GNAL: variants seen among roughly 807,000 people sequenced by gnomAD.
GNAL encodes the protein guanine nucleotide-binding protein G(olf) subunit alpha.
A neutral mutation model predicts 55.1 loss-of-function variants in GNAL; 18 were observed. The ratio of observed to expected loss-of-function variants is 0.33; its 90% CI spans 0.23 to 0.48. The LOEUF is 0.48. Ranked by LOEUF, GNAL falls within the 20% of genes least tolerant of loss-of-function variation. GNAL has a pLI of 0.99. For synonymous variants in GNAL, 253 were observed against 237.0 expected (o/e 1.07, Z -0.62); for missense variants, 412 against 614.1 (o/e 0.67, Z 3.48).
chr18:11,724,033 T>G (rs2032156648), intron 1 of GNAL, among the ~76,000 whole-genome samples: 1 of 152,254 alleles, frequency 6.6e-6, no homozygotes, highest in African/African-American at 2.4e-5. Flanking sequence ...TGCTGCTGTC[T>G]TGAATTACAG....
chr18:11,689,529 A>C lies in GNAL; in HGVS notation c.-35A>C, dbSNP rs950042838. The C allele has an allele frequency of 9.3e-7, 1 of 1,078,658 alleles. No individual in the cohort carries two copies. The highest frequency in any genetic ancestry group is 1.2e-6 in the Non-Finnish European group (1 of 845,478). 66.8% of individuals were successfully genotyped at this position (1,078,658 alleles called of 1,614,324 possible). A position where few individuals can be genotyped will look rare whatever the true frequency, so the allele number is the denominator to read the frequency against. On this transcript the variant is annotated 5_prime_UTR_variant, in exon 1 of 12. Coordinates refer to ENST00000334049, the MANE Select transcript of GNAL (RefSeq NM_182978.4). Reference sequence around the variant, plus strand: ...CCGCCCTCGGCGCCCAGCCTGCCCTAGTCCCGCGCGCCGCCCCCGCTGTGC... The same window carrying C: ...CCGCCCTCGGCGCCCAGCCTGCCCTCGTCCCGCGCGCCGCCCCCGCTGTGC...
intron 4 of GNAL, among the ~76,000 whole-genome samples, chr18:11,755,663 C>T (rs1376579559): frequency 6.6e-6 from 1 of 151,922 alleles, no homozygotes; most frequent in Non-Finnish European, 1.5e-5. Flanking sequence ...CCAGTGATAT[C>T]TGTAGAATTT....
intron 4 of GNAL, among the ~76,000 whole-genome samples, chr18:11,822,839 T>G (rs1213952030): frequency 8.4e-6 from 1 of 119,724 alleles, no homozygotes; most frequent in Non-Finnish European, 1.8e-5. Context: ...TTTTTTTTTT[T>G]GACCAAATTT....
chr18:11,723,190 A>T (rs1342951824), intron 1 of GNAL, among the ~76,000 whole-genome samples: 2 of 152,210 alleles, frequency 1.3e-5, no homozygotes, highest in East Asian at 3.9e-4. Context: ...TCTTGAAAAA[A>T]ATAAAAAAAT....
intron 4 of GNAL, among the ~76,000 whole-genome samples, chr18:11,777,790 C>A (rs139307978): frequency 1.3e-5 from 2 of 152,258 alleles, no homozygotes; most frequent in East Asian, 3.9e-4. Context: ...TCGTTACATC[C>A]TAAGAGCTGG....
chr18:11,863,761 G>A (rs2036199555), intron 6 of GNAL, among the ~76,000 whole-genome samples: 1 of 152,168 alleles, frequency 6.6e-6, no homozygotes, highest in Non-Finnish European at 1.5e-5. Context: ...GGAGGAAACA[G>A]AAATGTGCAG....
At chr18:11,732,206 C>T (rs2032354902) in intron 1 of GNAL, among the ~76,000 whole-genome samples, 1 of 152,148 alleles carries the variant, frequency 6.6e-6, no homozygotes, top group Non-Finnish European at 1.5e-5. Flanking sequence ...ATTGGAATTG[C>T]TGGGTCATGT....
chr18:11,812,419 T>C (rs2034839634), intron 4 of GNAL, among the ~76,000 whole-genome samples: 1 of 152,102 alleles, frequency 6.6e-6, no homozygotes, highest in Non-Finnish European at 1.5e-5. Context: ...GCCTCAAGGA[T>C]CTTGAGAGAA....
intron 4 of GNAL, among the ~76,000 whole-genome samples, chr18:11,788,904 A>ATATAT (rs1555650619): frequency 1.3e-5 from 1 of 79,666 alleles, no homozygotes; most frequent in Non-Finnish European, 2.3e-5. Flanking sequence ...CTCGAAAAAA[A>ATATAT]AAAAAAAAAA....
intron 1 of GNAL, among the ~76,000 whole-genome samples, chr18:11,713,608 T>C (rs2031887094): frequency 6.6e-6 from 1 of 152,174 alleles, no homozygotes; most frequent in Non-Finnish European, 1.5e-5. Context: ...TATTTTTATA[T>C]ATAGCCTGGC....
chr18:11,759,878 G>A (rs955026663), intron 4 of GNAL, among the ~76,000 whole-genome samples: 1 of 152,190 alleles, frequency 6.6e-6, no homozygotes, highest in African/African-American at 2.4e-5. Context: ...GCTTTGTGCT[G>A]TGGGTTTTCG....
At chr18:11,797,281 A>G (rs979560859) in intron 4 of GNAL, among the ~76,000 whole-genome samples, 7 of 152,174 alleles carry the variant, frequency 4.6e-5, no homozygotes, top group African/African-American at 1.4e-4. Flanking sequence ...TTATGTTGCT[A>G]TATTGTTTCT....
chr18:11,865,200 G>A (rs557785588), intron 7 of GNAL, among the ~76,000 whole-genome samples: 2 of 144,520 alleles, frequency 1.4e-5, no homozygotes, highest in South Asian at 2.2e-4. Context: ...CCTACGGCAC[G>A]GCCTGGATCG....
intron 3 of GNAL, 36 bp downstream of exon 3, chr18:11,753,718 G>A (rs373310932): frequency 2.4e-5 from 36 of 1,476,650 alleles, no homozygotes; most frequent in Non-Finnish European, 3.4e-5. Context: ...TACTAGAAAG[G>A]TCAAGTGCTC....
At chr18:11,715,455 C>G (rs1460831657) in intron 1 of GNAL, among the ~76,000 whole-genome samples, 1 of 122,658 alleles carries the variant, frequency 8.2e-6, no homozygotes, top group African/African-American at 3.4e-5. Context: ...AGCAAGACTC[C>G]ATCTCAAAAA....
chr18:11,823,204 CTTT>C (rs2035151845), intron 4 of GNAL, among the ~76,000 whole-genome samples: 1 of 152,094 alleles, frequency 6.6e-6, no homozygotes, highest in Admixed American at 6.5e-5. Context: ...CGAAGGAAAT[CTTT>C]TTAAGGAAAC....
chr18:11,885,555 G>T lies in GNAL; in HGVS notation c.*4420G>T. On this transcript the variant is annotated 3_prime_UTR_variant, in exon 12 of 12. Coordinates refer to ENST00000334049, the MANE Select transcript of GNAL (RefSeq NM_182978.4). ...GCAGTGTATGGAGCTACGTGTAGAAGGAGAGAAATTTGTGTGTGGCTTTTG... is the reference window on the plus strand; with the variant it reads ...GCAGTGTATGGAGCTACGTGTAGAATGAGAGAAATTTGTGTGTGGCTTTTG... 1 of 1,218,214 alleles carries T rather than the reference G, an allele frequency of 8.2e-7. No individual in the cohort carries two copies. Among genetic ancestry groups the T allele is most frequent in the Non-Finnish European group, 1.2e-6 (1 of 860,644 alleles). The allele number at this position is 1,218,214 out of a possible 1,614,324, so 75.5% of individuals were successfully genotyped here.
intron 4 of GNAL, among the ~76,000 whole-genome samples, chr18:11,760,444 A>G (rs1455317290): frequency 1.3e-5 from 2 of 152,218 alleles, no homozygotes; most frequent in Non-Finnish European, 2.9e-5. Context: ...AGGGCACAGT[A>G]AACTTTCGCC....
At chr18:11,823,779 T>TA (rs1471564365) in intron 4 of GNAL, among the ~76,000 whole-genome samples, 1 of 146,392 alleles carries the variant, frequency 6.8e-6, no homozygotes, top group Non-Finnish European at 1.5e-5. Flanking sequence ...GGCAGGCAAA[T>TA]AACTGCTGTG....
Sources: allele counts gnomAD v4.1 joint callset (sites outside exome capture counted in the v4.1 genomes callset), GRCh38; gene constraint gnomAD v4.1.1; transcripts MANE v1.5; gene names NCBI Gene and HGNC (gene_info 2026-07-23, HGNC 2026-07-21).